Variants in PPM1L observed in about 807,000 individuals in gnomAD.
The protein encoded by PPM1L is protein phosphatase 1L.
PPM1L carries 13 observed loss-of-function variants against 31.4 expected under a neutral mutation model. That is an observed-to-expected ratio of 0.41 (90% CI 0.27 to 0.66). The LOEUF (loss-of-function observed/expected upper bound fraction) is 0.66. Ranked by LOEUF, PPM1L falls within the 30% of genes least tolerant of loss-of-function variation. The pLI is 0.29. For missense variants in PPM1L, 326 were observed against 453.7 expected, an observed-to-expected ratio of 0.72 and a Z score of 2.56; for synonymous variants, 184 against 175.4, an observed-to-expected ratio of 1.05 and a Z score of -0.39.
intron 1 of PPM1L, among the ~76,000 whole-genome samples, chr3:160,872,539 C>G (rs1712350006): frequency 6.6e-6 from 1 of 152,104 alleles, no homozygotes; most frequent in African/African-American, 2.4e-5. Context: ...AGGGAACAAA[C>G]CAGAATTAAA....
At chr3:160,908,170 T>A (rs1713827388) in intron 1 of PPM1L, among the ~76,000 whole-genome samples, 2 of 152,236 alleles carry the variant, frequency 1.3e-5, no homozygotes, top group Non-Finnish European at 2.9e-5. Flanking sequence ...GTCTTTCTAC[T>A]CAAATGGCCC....
chr3:161,069,145 A>C lies in PPM1L; in HGVS notation c.1071A>C (p.Thr357=), dbSNP rs1475381019. The C allele has an allele frequency of 6.2e-7, 1 of 1,613,198 alleles. No individual in the cohort carries two copies. The highest frequency in any genetic ancestry group is 8.5e-7 in the Non-Finnish European group (1 of 1,179,566). Residue 357 remains threonine, a synonymous_variant, in exon 4 of 4, where the codon ACA becomes ACC. Coordinates refer to ENST00000498165, the MANE Select transcript of PPM1L (RefSeq NM_139245.4). ...TGAAGTTCAGAAATAGCAGCAAAAC[A>C]GAAGAGCAGTGAACCCTTCAGGGGT... ...MVVKFRNSSK[T]EEQ
intron 2 of PPM1L, among the ~76,000 whole-genome samples, chr3:160,973,903 G>C (rs1338280727): frequency 6.8e-6 from 1 of 148,012 alleles, no homozygotes; most frequent in African/African-American, 2.5e-5. Context: ...TAAGTTTTAG[G>C]GTACATGTGC....
intron 2 of PPM1L, among the ~76,000 whole-genome samples, chr3:161,039,577 C>T (rs2108088030): frequency 6.6e-6 from 1 of 152,222 alleles, no homozygotes; most frequent in East Asian, 1.9e-4. Context: ...GGCTGGAGTG[C>T]AGGGGTGCGA....
intron 2 of PPM1L, among the ~76,000 whole-genome samples, chr3:161,059,797 T>A (rs1398508693): frequency 6.6e-6 from 1 of 152,006 alleles, no homozygotes; most frequent in African/African-American, 2.4e-5. Context: ...GATAGTGAGT[T>A]CTTGTGAGAT....
chr3:160,968,990 C>T (rs900098698), intron 2 of PPM1L, among the ~76,000 whole-genome samples: 6 of 152,148 alleles, frequency 3.9e-5, no homozygotes, highest in Admixed American at 6.5e-5. Flanking sequence ...TGCACTTACG[C>T]GTAGAAAGTG....
intron 1 of PPM1L, among the ~76,000 whole-genome samples, chr3:160,850,575 A>G (rs1319388777): frequency 6.6e-6 from 1 of 152,202 alleles, no homozygotes; most frequent in Non-Finnish European, 1.5e-5. Context: ...TCCCTCTGGC[A>G]ACCAGCCCCC....
chr3:161,037,563 C>A lies in PPM1L; in HGVS notation c.575-27840C>A, dbSNP rs898184077. Among the ~76,000 whole-genome samples, 8 of 149,938 alleles carry A rather than the reference C, an allele frequency of 5.3e-5. No homozygotes were observed. The South Asian group carries it at 1.3e-3, about 24-fold the overall frequency. On this transcript the variant is annotated intron_variant, in intron 2 of 3. Transcript: ENST00000498165. ...CCGAGTAGCTGGGATTACAGGCATGCGCCACCATGCCCGGCTAATTTTTTT... is the reference window on the plus strand; with the variant it reads ...CCGAGTAGCTGGGATTACAGGCATGAGCCACCATGCCCGGCTAATTTTTTT...
intron 3 of PPM1L, among the ~76,000 whole-genome samples, chr3:161,067,166 T>C (rs1194304063): frequency 6.6e-6 from 1 of 152,216 alleles, no homozygotes; most frequent in African/African-American, 2.4e-5. Flanking sequence ...AATGTCATCT[T>C]ACCATTCAGT....
intron 1 of PPM1L, among the ~76,000 whole-genome samples, chr3:160,873,916 T>C (rs1712408962): frequency 6.6e-6 from 1 of 152,186 alleles, no homozygotes; most frequent in African/African-American, 2.4e-5. Flanking sequence ...TAAAACCTGA[T>C]TATTAACCAG....
intron 1 of PPM1L, among the ~76,000 whole-genome samples, chr3:160,892,381 C>G (rs1355043599): frequency 1.3e-5 from 2 of 152,090 alleles, no homozygotes; most frequent in Non-Finnish European, 2.9e-5. Context: ...AGGTCTCACT[C>G]ACTATGGCAA....
rs1448745500 is a variant in PPM1L, at chr3:161,073,810, C to T, written c.*4653C>T. On this transcript the variant is annotated 3_prime_UTR_variant, in exon 4 of 4. Transcript: ENST00000498165. Reference sequence around the variant, plus strand: ...TATCCTGACCTTGTAATCCACCAGCCTTGGCCTCCCAAAGTGCTGGGATTA... The same window carrying T: ...TATCCTGACCTTGTAATCCACCAGCTTTGGCCTCCCAAAGTGCTGGGATTA... The T allele has an allele frequency of 1.3e-5, 2 of 152,228 alleles. No individual in the cohort carries two copies. Among genetic ancestry groups the T allele is most frequent in the African/African-American group, 4.8e-5 (2 of 41,454 alleles). 9.4% of individuals were successfully genotyped at this position (152,228 alleles called of 1,614,324 possible). A position where few individuals can be genotyped will look rare whatever the true frequency, so the allele number is the denominator to read the frequency against.
chr3:161,058,403 G>C (rs963120103), intron 2 of PPM1L, among the ~76,000 whole-genome samples: 5 of 151,920 alleles, frequency 3.3e-5, no homozygotes, highest in African/African-American at 1.2e-4. Flanking sequence ...GGGATTACAG[G>C]CATGAGCCAC....
At chr3:161,002,957 T>A (rs1717554381) in intron 2 of PPM1L, among the ~76,000 whole-genome samples, 1 of 150,222 alleles carries the variant, frequency 6.7e-6, no homozygotes, top group Non-Finnish European at 1.5e-5. Context: ...TCTTCTAGGG[T>A]TTTTATGGTT....
chr3:160,891,303 C>T (rs868162506), intron 1 of PPM1L, among the ~76,000 whole-genome samples: 1 of 151,910 alleles, frequency 6.6e-6, no homozygotes, highest in Non-Finnish European at 1.5e-5. Flanking sequence ...AAAAAAACAA[C>T]CCCATCAAAA....
chr3:160,964,844 C>T (rs953531522), intron 2 of PPM1L, among the ~76,000 whole-genome samples: 5 of 151,962 alleles, frequency 3.3e-5, no homozygotes, highest in Non-Finnish European at 5.9e-5. Flanking sequence ...GTTACTACCT[C>T]CTCCTCCATA....
At chr3:160,879,564 A>G (rs1246971710) in intron 1 of PPM1L, among the ~76,000 whole-genome samples, 1 of 152,206 alleles carries the variant, frequency 6.6e-6, no homozygotes, top group Non-Finnish European at 1.5e-5. Context: ...TTTTTGTCCC[A>G]AAGGATCCTG....
At chr3:160,969,620 G>A (rs915288512) in intron 2 of PPM1L, among the ~76,000 whole-genome samples, 8 of 152,166 alleles carry the variant, frequency 5.3e-5, no homozygotes, top group Admixed American at 5.2e-4. Flanking sequence ...CAGCTCCTAA[G>A]GGAAGAGGTG....
At chr3:160,841,816 T>C (rs541498397) in intron 1 of PPM1L, among the ~76,000 whole-genome samples, 2 of 152,340 alleles carry the variant, frequency 1.3e-5, no homozygotes, top group Non-Finnish European at 2.9e-5. Context: ...TTTTGTCTTA[T>C]GTGAAATGTG....
Sources: allele counts gnomAD v4.1 joint callset (sites outside exome capture counted in the v4.1 genomes callset), GRCh38; gene constraint gnomAD v4.1.1; transcripts MANE v1.5; gene names NCBI Gene and HGNC (gene_info 2026-07-23, HGNC 2026-07-21).